LAMA1: variants seen among roughly 807,000 people sequenced by gnomAD.
LAMA1 encodes laminin subunit alpha 1, also known as laminin subunit alpha-1.
Under a neutral mutation model 348.7 loss-of-function variants are expected in LAMA1, and 219 were observed. The ratio of observed to expected loss-of-function variants is 0.63; its 90% CI spans 0.56 to 0.70. The LOEUF is 0.70. Ranked by LOEUF, LAMA1 falls within the 30% of genes least tolerant of loss-of-function variation. LAMA1 has a pLI of 0.00. For synonymous variants in LAMA1, 1,487 were observed against 1,491.0 expected, an observed-to-expected ratio of 1.00 and a Z score of 0.06; for missense variants, 3,744 against 3,888.0, an observed-to-expected ratio of 0.96 and a Z score of 0.99.
intron 32 of LAMA1, 75 bp downstream of exon 32, chr18:6,999,370 G>C: frequency 7.0e-7 from 1 of 1,431,124 alleles, no homozygotes; most frequent in Non-Finnish European, 9.8e-7. Context: ...ACACTTTAGC[G>C]TGCCGTCACC....
rs950434428 is a variant in LAMA1, at chr18:7,059,078, C to T, written c.346-8142G>A. ...CTAATTTTTGTATTTTTAGTAGAGA[C>T]GAGGTTTCACCACATTGGCCAGGAT... On this transcript the variant is annotated intron_variant, in intron 3 of 62. Transcript: ENST00000389658. Among the ~76,000 whole-genome samples the T allele has an allele frequency of 3.3e-5, 5 of 152,040 alleles. No individual in the cohort carries two copies. The East Asian group carries it at 5.8e-4, about 18-fold the overall frequency.
intron 60 of LAMA1, among the ~76,000 whole-genome samples, chr18:6,947,638 C>A (rs1238408452): frequency 6.6e-6 from 1 of 152,176 alleles, no homozygotes; most frequent in African/African-American, 2.4e-5. Flanking sequence ...TCCCTGGAAT[C>A]CCTTTATCAT....
chr18:7,060,097 C>T (rs1425432562), intron 3 of LAMA1, among the ~76,000 whole-genome samples: 3 of 152,084 alleles, frequency 2.0e-5, no homozygotes, highest in Non-Finnish European at 4.4e-5. Context: ...ATTATCAGCA[C>T]GTGAAGTGGC....
chr18:6,959,703 C>A, intron 53 of LAMA1: 1 of 570,660 alleles, frequency 1.8e-6, no homozygotes, highest in Non-Finnish European at 3.1e-6. Flanking sequence ...GCTATTATTG[C>A]TGAAGATTTC....
chr18:7,008,707 G>A (rs2057844911), intron 27 of LAMA1, 99 bp from the exon 28 acceptor site: 3 of 1,416,210 alleles, frequency 2.1e-6, no homozygotes, highest in Admixed American at 3.4e-5. Context: ...TGAAACCAGA[G>A]CTTTCTTCCC....
At chr18:7,084,036 G>A (rs1020320141) in intron 1 of LAMA1, among the ~76,000 whole-genome samples, 10 of 119,118 alleles carry the variant, frequency 8.4e-5, no homozygotes, top group African/African-American at 3.2e-4. Flanking sequence ...TCACGCCACT[G>A]CACTCCAGCC....
chr18:7,010,357 T>C lies in LAMA1; in HGVS notation c.3716A>G (p.Tyr1239Cys), dbSNP rs1325967543. 6.2e-7 allele frequency: 1 copy of C among 1,614,198 alleles called. No homozygotes were observed. Among genetic ancestry groups the C allele is most frequent in the Non-Finnish European group, 8.5e-7 (1 of 1,180,054 alleles). ...ATCCAAAGAATAGAAGGCCACGCTG[T>C]ACTTCAGTTTGCCACCATAGGCCAT... ...QLMAYGGKLK[Y>C]SVAFYSLDGV... The change falls in exon 26 of 63, where the codon TAC (tyrosine) becomes TGC (cysteine). Residue 1239 changes from tyrosine (Y) to cysteine (C), a missense_variant. Physicochemically the swap from Tyr to Cys is radical, Grantham distance 194 (BLOSUM62 -2). This residue lies in a region of LAMA1 where 1,529 missense variants were observed against 1,689.4 expected (regional missense o/e 0.91). Transcript: ENST00000389658.
chr18:7,009,077 C>A (rs941810339), intron 27 of LAMA1, among the ~76,000 whole-genome samples, 162 bp downstream of exon 27: 5 of 151,946 alleles, frequency 3.3e-5, no homozygotes, highest in African/African-American at 1.2e-4. Flanking sequence ...AGTTATAATT[C>A]GCACATTCCA....
In LAMA1 at chr18:7,010,353, G is replaced by T. The variant is rs927562686; in HGVS notation, c.3720C>A (p.Ser1240Arg). Reference sequence around the variant, plus strand: ...CGCCATCCAAAGAATAGAAGGCCACGCTGTACTTCAGTTTGCCACCATAGG... The same window carrying T: ...CGCCATCCAAAGAATAGAAGGCCACTCTGTACTTCAGTTTGCCACCATAGG... ...LMAYGGKLKY[S>R]VAFYSLDGVG... Residue 1240 changes from serine to arginine, a missense_variant, in exon 26 of 63, where the codon AGC becomes AGA. Physicochemically the swap from Ser to Arg is moderately radical, Grantham distance 110. This residue lies in a region of LAMA1 where 1,529 missense variants were observed against 1,689.4 expected (regional missense o/e 0.91). Coordinates refer to ENST00000389658, the MANE Select transcript of LAMA1 (RefSeq NM_005559.4). 6.2e-7 allele frequency: 1 copy of T among 1,613,990 alleles called. No homozygotes were observed. The highest frequency in any genetic ancestry group is 8.5e-7 in the Non-Finnish European group (1 of 1,180,036).
intron 35 of LAMA1, among the ~76,000 whole-genome samples, chr18:6,993,011 C>T (rs1197664406): frequency 6.6e-6 from 1 of 152,246 alleles, no homozygotes; most frequent in Admixed American, 6.5e-5. Flanking sequence ...CTGGCAGAGA[C>T]ATCTGCACAT....
chr18:7,080,147 T>G (rs1481291882), intron 2 of LAMA1, 60 bp from the exon 3 acceptor site: 1 of 1,569,188 alleles, frequency 6.4e-7, no homozygotes, highest in Non-Finnish European at 8.8e-7. Flanking sequence ...ATTTCTTAAG[T>G]TCTAAACCGT....
chr18:7,072,239 T>C (rs1270327975), intron 3 of LAMA1, among the ~76,000 whole-genome samples: 1 of 152,248 alleles, frequency 6.6e-6, no homozygotes, highest in East Asian at 1.9e-4. Flanking sequence ...AACATTTCCC[T>C]TGGTGATATC....
intron 56 of LAMA1, chr18:6,956,251 A>T: frequency 2.9e-6 from 1 of 346,102 alleles, no homozygotes; most frequent in Non-Finnish European, 5.6e-6. Flanking sequence ...GGCTTTTCCT[A>T]ATGAATTGAA....
chr18:7,041,545 G>C (rs2058020749), intron 9 of LAMA1, among the ~76,000 whole-genome samples: 1 of 152,164 alleles, frequency 6.6e-6, no homozygotes, highest in East Asian at 1.9e-4. Context: ...AAGAGTCTTT[G>C]AACAGACGCA....
At position 6,997,081 on chromosome 18, in the gene LAMA1, C is replaced by CTTTTTT. The variant is rs1252383748; in HGVS notation, c.4806+660_4806+661insAAAAAA. 2.7e-5 allele frequency among the ~76,000 whole-genome samples: 4 copies of CTTTTTT among 149,876 alleles called. 1 individual carries two copies. The highest frequency in any genetic ancestry group is 4.4e-5 in the Non-Finnish European group (3 of 67,902). ...TCTTTTTCTTTTTCTTTTTCTTTTT[C>CTTTTTT]TGAGATGGAGTCTTGCTCTGTCGCC... On this transcript the variant is annotated intron_variant, in intron 33 of 62. Transcript: ENST00000389658.
intron 37 of LAMA1, 92 bp from the exon 38 acceptor site, chr18:6,985,735 T>G (rs1007864849): frequency 3.9e-6 from 3 of 772,846 alleles, no homozygotes; most frequent in Non-Finnish European, 6.8e-6. Context: ...AGTTAGTGCA[T>G]GGGACTCACT....
At chr18:7,117,042 G>GCA (rs2058359843) in intron 1 of LAMA1, among the ~76,000 whole-genome samples, 1 of 152,144 alleles carries the variant, frequency 6.6e-6, no homozygotes, top group African/African-American at 2.4e-5. Flanking sequence ...TCGGGAAGGC[G>GCA]CATCAGTGCC....
chr18:7,102,369 G>C (rs1293196784), intron 1 of LAMA1, among the ~76,000 whole-genome samples: 1 of 151,742 alleles, frequency 6.6e-6, no homozygotes, highest in African/African-American at 2.4e-5. Context: ...GAGAACAGCT[G>C]TTCTCTCACT....
rs535792650 is a variant in LAMA1, at chr18:6,948,446, G to C, written c.8667C>G (p.Ala2889=). Reference sequence around the variant, plus strand: ...TTCCGTCAAAGTATGTTCCTTCCTGGGCCACTGCGTAGCACCTGTTCACCG... The same window carrying C: ...TTCCGTCAAAGTATGTTCCTTCCTGCGCCACTGCGTAGCACCTGTTCACCG... ...AFTVNRCYAV[A]QEGTYFDGSG... is the part of the protein sequence containing the mutation. The change falls in exon 60 of 63, where the codon GCC becomes GCG. Residue 2889 remains alanine (A), a synonymous_variant. Transcript: ENST00000389658. The C allele has an allele frequency of 6.2e-7, 1 of 1,614,062 alleles. No homozygotes were observed. The highest frequency in any genetic ancestry group is 1.1e-5 in the South Asian group (1 of 91,086).
Sources: gnomAD v4.1 joint callset for allele counts (sites outside exome capture counted in the v4.1 genomes callset) on GRCh38, gnomAD v4.1.1 for gene constraint, gnomAD v4.1.1 regional missense constraint, MANE v1.5 for transcripts, NCBI Gene and HGNC (gene_info 2026-07-23, HGNC 2026-07-21) for gene names.